NT5C2: variants seen among roughly 807,000 people sequenced by gnomAD.
NT5C2 encodes the protein 5'-nucleotidase, cytosolic II, also known as cytosolic purine 5'-nucleotidase.
NT5C2 carries 58 observed loss-of-function variants against 76.1 expected under a neutral mutation model. That is an observed-to-expected ratio of 0.76 (90% CI 0.62 to 0.95). The LOEUF is 0.95. Ranked by LOEUF, NT5C2 falls within the 40% of genes least tolerant of loss-of-function variation. The probability of loss-of-function intolerance (pLI) is 0.00; values close to 1 mark genes in which losing one functional copy is unlikely to be tolerated. For synonymous variants in NT5C2, 229 were observed against 237.4 expected, an observed-to-expected ratio of 0.96 and a Z score of 0.32; for missense variants, 478 against 690.3, an observed-to-expected ratio of 0.69 and a Z score of 3.45.
chr10:103,128,156 G>T (rs1309785907), intron 4 of NT5C2, among the ~76,000 whole-genome samples: 1 of 148,564 alleles, frequency 6.7e-6, no homozygotes, highest in South Asian at 2.3e-4. Flanking sequence ...CTGCCATCTC[G>T]GCTCACTGCA....
At chr10:103,159,093 T>C (rs1303011381) in intron 3 of NT5C2, among the ~76,000 whole-genome samples, 1 of 152,072 alleles carries the variant, frequency 6.6e-6, no homozygotes, top group Non-Finnish European at 1.5e-5. Flanking sequence ...CACTGCCAGG[T>C]GCAGTAGCAG....
intron 4 of NT5C2, among the ~76,000 whole-genome samples, chr10:103,118,361 C>CTT (rs35763505): frequency 0.3 from 41,646 of 137,542 alleles, 6,432 homozygotes; most frequent in Middle Eastern, 0.33. Context: ...ATTTCTTTTC[C>CTT]TTTTTTTTTT....
At chr10:103,182,499 G>A (rs1052528707) in intron 1 of NT5C2, among the ~76,000 whole-genome samples, 16 of 152,006 alleles carry the variant, frequency 1.1e-4, no homozygotes, top group Non-Finnish European at 2.4e-4. Flanking sequence ...GCCAGGCGTG[G>A]TGGCAGGCAC....
chr10:103,173,234 C>T (rs1208831302), intron 3 of NT5C2, among the ~76,000 whole-genome samples: 1 of 152,106 alleles, frequency 6.6e-6, no homozygotes, highest in African/African-American at 2.4e-5. Context: ...CAGAGTTACC[C>T]ACATTCAATC....
intron 4 of NT5C2, among the ~76,000 whole-genome samples, chr10:103,120,098 C>CAA (rs529049131): frequency 1.6e-4 from 21 of 130,970 alleles, no homozygotes; most frequent in East Asian, 1.5e-3. Context: ...GACCCTGTTT[C>CAA]AAAAAAAAAA....
intron 4 of NT5C2, among the ~76,000 whole-genome samples, chr10:103,118,026 T>A (rs1236321298): frequency 6.6e-6 from 1 of 152,232 alleles, no homozygotes; most frequent in African/African-American, 2.4e-5. Flanking sequence ...TAAGTTTTCC[T>A]TAATAAGGTG....
chr10:103,161,344 A>G (rs144010234), intron 3 of NT5C2, among the ~76,000 whole-genome samples: 1 of 152,050 alleles, frequency 6.6e-6, no homozygotes, highest in East Asian at 1.9e-4. Flanking sequence ...TGCCTGGCTA[A>G]TTTATGTATT....
chr10:103,116,818 T>G (rs2074475083), intron 4 of NT5C2, among the ~76,000 whole-genome samples: 1 of 151,654 alleles, frequency 6.6e-6, no homozygotes, highest in South Asian at 2.1e-4. Context: ...TAAGTGATCC[T>G]CTCGCCTTGG....
intron 4 of NT5C2, among the ~76,000 whole-genome samples, chr10:103,135,995 G>A (rs1289494428): frequency 6.6e-6 from 1 of 152,158 alleles, no homozygotes; most frequent in Non-Finnish European, 1.5e-5. Context: ...GCTGAGGCAG[G>A]AGAATCTCTT....
chr10:103,164,717 C>A (rs1565245021), intron 3 of NT5C2, among the ~76,000 whole-genome samples: 1 of 152,148 alleles, frequency 6.6e-6, no homozygotes, highest in African/African-American at 2.4e-5. Flanking sequence ...TCAGACATTA[C>A]AATTAATACA....
intron 4 of NT5C2, among the ~76,000 whole-genome samples, chr10:103,107,796 T>C (rs1440075038): frequency 1.6e-4 from 24 of 152,148 alleles, no homozygotes; most frequent in Non-Finnish European, 1.2e-4. Flanking sequence ...CTCTCTATTG[T>C]GTAAGTCTGA....
At chr10:103,169,209 A>G (rs1386809660) in intron 3 of NT5C2, 1 of 152,232 alleles carries the variant, frequency 6.6e-6, no homozygotes, top group Non-Finnish European at 1.5e-5. Context: ...GCCATTCCAT[A>G]TCAACTTGTA....
intron 4 of NT5C2, among the ~76,000 whole-genome samples, chr10:103,129,249 T>TG (rs1269352427): frequency 3.6e-5 from 3 of 83,612 alleles, no homozygotes; most frequent in Admixed American, 1.1e-4. Context: ...GGGAGGGAGA[T>TG]GGGGGGGTCA....
At position 103,144,063 on chromosome 10, in the gene NT5C2, TA is replaced by T. The variant is rs550262288; in HGVS notation, c.102-4585del. ...TTACTGATAAAAGCATCTACTTTAT[TA>T]TATTTTCCCAGTTACATAAATCCTT... On this transcript the variant is annotated intron_variant, in intron 3 of 18. Coordinates refer to ENST00000404739, the MANE Select transcript of NT5C2 (RefSeq NM_001351169.2). Among the ~76,000 whole-genome samples the T allele has an allele frequency of 7.5e-4, 114 of 152,298 alleles. 1 individual carries two copies. The highest frequency in any genetic ancestry group is 2.7e-3 in the African/African-American group (111 of 41,562).
intron 11 of NT5C2, 118 bp from the exon 12 acceptor site, chr10:103,096,098 C>T: frequency 3.0e-6 from 2 of 664,880 alleles, no homozygotes; most frequent in Non-Finnish European, 5.2e-6. Flanking sequence ...TCACCACATT[C>T]TTGTTTCCTC....
intron 4 of NT5C2, among the ~76,000 whole-genome samples, chr10:103,123,134 T>C (rs2076012404): frequency 6.6e-6 from 1 of 152,168 alleles, no homozygotes; most frequent in South Asian, 2.1e-4. Context: ...TTTTTATTTT[T>C]TGACTTTTTG....
chr10:103,096,845 C>CAAAAA (rs71019656), intron 11 of NT5C2, among the ~76,000 whole-genome samples: 16 of 31,378 alleles, frequency 5.1e-4, no homozygotes, highest in East Asian at 2.4e-3. Context: ...GACTCTGTCT[C>CAAAAA]AAAAAAAAAA....
intron 3 of NT5C2, among the ~76,000 whole-genome samples, chr10:103,149,651 A>G (rs900242947): frequency 1.3e-5 from 2 of 152,092 alleles, no homozygotes; most frequent in Admixed American, 6.5e-5. Context: ...TGTATAGAGG[A>G]TCATTCATAA....
intron 4 of NT5C2, among the ~76,000 whole-genome samples, chr10:103,136,042 G>T (rs2079145030): frequency 6.6e-6 from 1 of 152,110 alleles, no homozygotes; most frequent in African/African-American, 2.4e-5. Context: ...AGCCAGGATT[G>T]CACCATTGCA....
Sources: gnomAD v4.1 joint callset for allele counts (sites outside exome capture counted in the v4.1 genomes callset) on GRCh38, gnomAD v4.1.1 for gene constraint, MANE v1.5 for transcripts, NCBI Gene and HGNC (gene_info 2026-07-23, HGNC 2026-07-21) for gene names.